The following LYPD6 variants were observed in gnomAD, a reference collection of about 807,000 sequenced individuals.
LYPD6 encodes the protein ly6/PLAUR domain-containing protein 6.
Under a neutral mutation model 22.7 loss-of-function variants are expected in LYPD6, and 15 were observed. The ratio of observed to expected loss-of-function variants is 0.66; its 90% CI spans 0.44 to 1.02. The LOEUF is 1.02. Among genes scored for constraint, LYPD6 ranks in the 50% least tolerant of loss-of-function variants. The pLI, the probability that LYPD6 is intolerant of heterozygous loss-of-function variation, is 0.00. For missense variants in LYPD6, 189 were observed against 208.4 expected, an observed-to-expected ratio of 0.91 and a Z score of 0.57; for synonymous variants, 72 against 77.5, an observed-to-expected ratio of 0.93 and a Z score of 0.37.
rs531620420 is a variant in LYPD6 at position 149,463,192 on chromosome 2, A to G, written c.218-5453A>G. Among the ~76,000 whole-genome samples, 44 of 152,294 alleles carry G rather than the reference A, an allele frequency of 2.9e-4. 2 individuals are homozygous for G. The South Asian group carries it at 9.1e-3, about 32-fold the overall frequency. On this transcript the variant is annotated intron_variant, in intron 3 of 4. Coordinates refer to ENST00000334166, the MANE Select transcript of LYPD6 (RefSeq NM_194317.5). ...ATATAAATAATTTTCAGAACACACC[A>G]GTAAACAAAATACATCATTAGAAAA... is the stretch of plus-strand genomic sequence containing the variant.
intron 3 of LYPD6, among the ~76,000 whole-genome samples, chr2:149,457,491 T>C (rs908997276): frequency 4.6e-5 from 7 of 152,184 alleles, no homozygotes; most frequent in African/African-American, 1.4e-4. Flanking sequence ...AAGATTATAA[T>C]GTATAATACA....
intron 1 of LYPD6, among the ~76,000 whole-genome samples, chr2:149,372,134 T>A (rs1031733778): frequency 6.6e-6 from 1 of 152,090 alleles, no homozygotes; most frequent in African/African-American, 2.4e-5. Context: ...AAATAGAGAT[T>A]TGTCAGCCTT....
intron 1 of LYPD6, among the ~76,000 whole-genome samples, chr2:149,338,653 C>G (rs947713876): frequency 2.0e-5 from 3 of 152,178 alleles, no homozygotes. Flanking sequence ...TCATCTTGGA[C>G]TTCTCAGCCT....
At chr2:149,458,421 C>T (rs191452016) in intron 3 of LYPD6, among the ~76,000 whole-genome samples, 1 of 152,230 alleles carries the variant, frequency 6.6e-6, no homozygotes, top group Non-Finnish European at 1.5e-5. Flanking sequence ...ATCTCCCATC[C>T]CATGGCATTA....
chr2:149,418,324 C>T (rs760725173), intron 1 of LYPD6, among the ~76,000 whole-genome samples: 1 of 152,104 alleles, frequency 6.6e-6, no homozygotes, highest in Non-Finnish European at 1.5e-5. Flanking sequence ...CTTTTTTTCC[C>T]TCATGTCTAG....
At chr2:149,406,362 G>A (rs1485743272) in intron 1 of LYPD6, among the ~76,000 whole-genome samples, 14 of 151,646 alleles carry the variant, frequency 9.2e-5, no homozygotes, top group African/African-American at 3.4e-4. Flanking sequence ...TATTGTGTGG[G>A]AGTCTAAGTC....
chr2:149,400,141 CT>C (rs1682520898), intron 1 of LYPD6, among the ~76,000 whole-genome samples: 1 of 152,200 alleles, frequency 6.6e-6, no homozygotes, highest in South Asian at 2.1e-4. Context: ...GCTTTTCCAC[CT>C]GTGAGAACAG....
At chr2:149,404,765 A>C (rs1258670415) in intron 1 of LYPD6, among the ~76,000 whole-genome samples, 1 of 152,150 alleles carries the variant, frequency 6.6e-6, no homozygotes, top group Non-Finnish European at 1.5e-5. Context: ...AACTTCCCAC[A>C]CTATGTTGAA....
intron 1 of LYPD6, among the ~76,000 whole-genome samples, chr2:149,405,971 C>A (rs1573778773): frequency 1.4e-5 from 2 of 147,012 alleles, no homozygotes; most frequent in East Asian, 2.0e-4. Flanking sequence ...ATCTTTATTT[C>A]TGCCTTCATT....
intron 1 of LYPD6, among the ~76,000 whole-genome samples, chr2:149,337,656 T>C (rs1319002243): frequency 6.6e-6 from 1 of 152,170 alleles, no homozygotes; most frequent in Non-Finnish European, 1.5e-5. Flanking sequence ...TATTTTAGGT[T>C]CAGGGGTACA....
chr2:149,341,867 A>G (rs958356492), intron 1 of LYPD6, among the ~76,000 whole-genome samples: 1 of 152,186 alleles, frequency 6.6e-6, no homozygotes, highest in Non-Finnish European at 1.5e-5. Context: ...TCACCTCTTG[A>G]AAGTTCCATC....
intron 1 of LYPD6, among the ~76,000 whole-genome samples, chr2:149,403,726 C>T (rs1682620639): frequency 6.6e-6 from 1 of 151,970 alleles, no homozygotes; most frequent in African/African-American, 2.4e-5. Flanking sequence ...TGCAGAAGCT[C>T]TTTAGTTTAA....
At chr2:149,415,321 G>A (rs1479702310) in intron 1 of LYPD6, among the ~76,000 whole-genome samples, 3 of 152,160 alleles carry the variant, frequency 2.0e-5, no homozygotes, top group Non-Finnish European at 2.9e-5. Flanking sequence ...TTCCTGGAGA[G>A]AGAGCAGAGG....
chr2:149,455,067 AG>A, intron 3 of LYPD6, among the ~76,000 whole-genome samples: 1 of 152,116 alleles, frequency 6.6e-6, no homozygotes, highest in Non-Finnish European at 1.5e-5. Context: ...GGCACCACTC[AG>A]GGGGCTTGTC....
Position 149,427,661 on chromosome 2 carries a change from C to T in LYPD6, c.-71-9977C>T, listed in dbSNP as rs544566851. Among the ~76,000 whole-genome samples the T allele has an allele frequency of 5.3e-5, 8 of 152,296 alleles. No individual in the cohort carries two copies. The South Asian group carries it at 1.7e-3, about 32-fold the overall frequency. On this transcript the variant is annotated intron_variant, in intron 1 of 4. Coordinates refer to ENST00000334166, the MANE Select transcript of LYPD6 (RefSeq NM_194317.5). ...GACCGCATAATGACATTTTGGTCAACAGTGGACTGCGTGTCCAACAGTAAT... is the reference window on the plus strand; with the variant it reads ...GACCGCATAATGACATTTTGGTCAATAGTGGACTGCGTGTCCAACAGTAAT...
chr2:149,385,271 C>T (rs1682158648), intron 1 of LYPD6, among the ~76,000 whole-genome samples: 1 of 152,156 alleles, frequency 6.6e-6, no homozygotes, highest in Non-Finnish European at 1.5e-5. Flanking sequence ...TCAGAGACCA[C>T]CTTTGCCTGA....
At chr2:149,446,519 A>G (rs1005029536) in intron 2 of LYPD6, among the ~76,000 whole-genome samples, 11 of 152,228 alleles carry the variant, frequency 7.2e-5, no homozygotes, top group Non-Finnish European at 1.5e-4. Flanking sequence ...TATAAAAAAT[A>G]TTTGTTTATA....
At chr2:149,476,155 G>C (rs536952292), downstream of LYPD6, among the ~76,000 whole-genome samples, 1 of 152,284 alleles carries the variant, frequency 6.6e-6, no homozygotes, top group South Asian at 2.1e-4. Flanking sequence ...TTGGTGCTCA[G>C]AGTAATTAAG....
chr2:149,370,523 G>A (rs576034109), intron 1 of LYPD6: 1 of 152,282 alleles, frequency 6.6e-6, no homozygotes, highest in African/African-American at 2.4e-5. Context: ...TTGTGAGGGT[G>A]AGCAACAAGG....
Sources: allele counts gnomAD v4.1 joint callset (sites outside exome capture counted in the v4.1 genomes callset), GRCh38; gene constraint gnomAD v4.1.1; transcripts MANE v1.5; gene names NCBI Gene and HGNC (gene_info 2026-07-23, HGNC 2026-07-21).